The following MYO3B variants were observed in gnomAD, a reference collection of about 807,000 sequenced individuals.
MYO3B encodes myosin-IIIb.
In MYO3B, 156 loss-of-function variants were observed where a neutral mutation model predicts 174.6. The observed-to-expected ratio is 0.89, with a 90% confidence interval of 0.78 to 1.02. MYO3B has a LOEUF of 1.02. Ranked by LOEUF, MYO3B falls within the 50% of genes least tolerant of loss-of-function variation. The pLI is 0.00. For missense variants in MYO3B, 1,632 were observed against 1,639.4 expected (o/e 1.00, Z 0.08); for synonymous variants, 563 against 569.1 (o/e 0.99, Z 0.15).
intron 30 of MYO3B, 51 bp downstream of exon 30, chr2:170,519,591 CTAATGGATAATGAAATGG>C (rs1247467537): frequency 7.4e-7 from 1 of 1,345,114 alleles, no homozygotes; most frequent in African/African-American, 1.4e-5. Context: ...GTGCTCCATT[CTAATGGATAATGAAATGG>C]TAATGGATAA....
chr2:170,205,945 G>T (rs2092709808), intron 3 of MYO3B, among the ~76,000 whole-genome samples: 1 of 151,910 alleles, frequency 6.6e-6, no homozygotes, highest in African/African-American at 2.4e-5. Context: ...GTAGTATATG[G>T]ATATATATTA....
At chr2:170,292,101 A>C (rs1220968505) in intron 7 of MYO3B, among the ~76,000 whole-genome samples, 1 of 152,036 alleles carries the variant, frequency 6.6e-6, no homozygotes, top group Non-Finnish European at 1.5e-5. Flanking sequence ...TGCATCTTGT[A>C]GTTGGTTTTC....
intron 7 of MYO3B, among the ~76,000 whole-genome samples, chr2:170,329,163 A>ATAC (rs1553466656): frequency 1.1e-4 from 16 of 151,810 alleles, no homozygotes; most frequent in African/African-American, 3.9e-4. Flanking sequence ...AAAAAAAAAA[A>ATAC]TACTACTACT....
chr2:170,382,298 T>G (rs928168811), intron 10 of MYO3B, 186 bp downstream of exon 10: 3 of 481,702 alleles, frequency 6.2e-6, no homozygotes, highest in Admixed American at 3.1e-5. Flanking sequence ...TTTATTTAGA[T>G]AGCCCCTAGA....
In MYO3B at chr2:170,230,365, T is replaced by TTTTTGGA. The variant is rs1559318980; in HGVS notation, c.604-5626_604-5625insTTTTGGA. Among the ~76,000 whole-genome samples, 38 of 140,854 alleles carry TTTTTGGA rather than the reference T, an allele frequency of 2.7e-4. 4 individuals are homozygous for TTTTTGGA. The highest frequency in any genetic ancestry group is 1.1e-3 in the African/African-American group (38 of 34,614). 92.4% of individuals were successfully genotyped at this position (140,854 alleles called of 152,430 possible). ...TTTTTTTTTTTTTTTTTTTTTTTAG[T>TTTTTGGA]AGAGACGGGGTTTCACCATGTTGGT... On this transcript the variant is annotated intron_variant, in intron 6 of 34. Transcript: ENST00000408978.
At chr2:170,240,571 G>T (rs1173470744) in intron 7 of MYO3B, among the ~76,000 whole-genome samples, 1 of 152,168 alleles carries the variant, frequency 6.6e-6, no homozygotes, top group African/African-American at 2.4e-5. Context: ...AAAAGTTAAA[G>T]CCCTTCCTTA....
intron 7 of MYO3B, among the ~76,000 whole-genome samples, chr2:170,245,909 C>A (rs1574648125): frequency 6.6e-6 from 1 of 152,086 alleles, no homozygotes; most frequent in South Asian, 2.1e-4. Flanking sequence ...TGCACATGTA[C>A]CCTAGAACTT....
chr2:170,560,652 G>A (rs950252730), intron 32 of MYO3B, among the ~76,000 whole-genome samples: 1 of 152,198 alleles, frequency 6.6e-6, no homozygotes, highest in African/African-American at 2.4e-5. Context: ...AAAGATCTTA[G>A]GGGATGAGTT....
intron 22 of MYO3B, among the ~76,000 whole-genome samples, chr2:170,420,054 A>G (rs1232359602): frequency 6.6e-6 from 1 of 152,018 alleles, no homozygotes; most frequent in Non-Finnish European, 1.5e-5. Flanking sequence ...GTGGTGATGC[A>G]TGCCTGTAGT....
chr2:170,641,642 C>CTATCTCTGGAAGACAGA (rs1559192037), intron 32 of MYO3B, among the ~76,000 whole-genome samples: 1 of 152,030 alleles, frequency 6.6e-6, no homozygotes, highest in African/African-American at 2.4e-5. Context: ...ACCATTTAAG[C>CTATCTCTGGAAGACAGA]TATCTCTGGA....
chr2:170,445,620 G>A (rs1292408917), intron 23 of MYO3B, among the ~76,000 whole-genome samples: 7 of 150,666 alleles, frequency 4.6e-5, no homozygotes, highest in Admixed American at 2.6e-4. Flanking sequence ...GATTACAGGC[G>A]CTCGCCACCA....
At chr2:170,528,650 C>G (rs1240027149) in intron 30 of MYO3B, among the ~76,000 whole-genome samples, 1 of 152,200 alleles carries the variant, frequency 6.6e-6, no homozygotes, top group African/African-American at 2.4e-5. Flanking sequence ...AAGTGATCCA[C>G]CTGCCTCAGC....
At chr2:170,411,476 A>G (rs1043156132) in intron 22 of MYO3B, among the ~76,000 whole-genome samples, 3 of 152,230 alleles carry the variant, frequency 2.0e-5, no homozygotes, top group Non-Finnish European at 2.9e-5. Context: ...GTATCTAAAC[A>G]TATCTAAACA....
At chr2:170,340,808 G>A (rs919210781) in intron 8 of MYO3B, 1 of 152,100 alleles carries the variant, frequency 6.6e-6, no homozygotes, top group Non-Finnish European at 1.5e-5. Flanking sequence ...AAGGTCAGAG[G>A]GACCTTTCTG....
intron 7 of MYO3B, among the ~76,000 whole-genome samples, chr2:170,269,285 T>C (rs2093407560): frequency 6.6e-6 from 1 of 152,080 alleles, no homozygotes; most frequent in East Asian, 1.9e-4. Context: ...TTGGAGTGAG[T>C]GTATTGGTCA....
At chr2:170,468,000 A>AT (rs1684753740) in intron 25 of MYO3B, among the ~76,000 whole-genome samples, 1 of 152,184 alleles carries the variant, frequency 6.6e-6, no homozygotes, top group African/African-American at 2.4e-5. Context: ...GTTTGAATAC[A>AT]TAAAAATATT....
rs73975630 is a variant in MYO3B at position 170,378,628 on chromosome 2, G to A, written c.972-3388G>A. The stretch of plus-strand genomic sequence containing the variant: ...TATATCTGTGAGACAGATTGGCATA[G>A]CACACAATCTCCTTCAGGCTCAGAA... On this transcript the variant is annotated intron_variant, in intron 9 of 34. Transcript: ENST00000408978. Among the ~76,000 whole-genome samples the A allele has an allele frequency of 2.3e-3, 356 of 152,306 alleles. 1 individual carries two copies. The highest frequency in any genetic ancestry group is 8.0e-3 in the African/African-American group (331 of 41,574).
At chr2:170,570,298 A>C (rs927066156) in intron 32 of MYO3B, among the ~76,000 whole-genome samples, 25 of 152,218 alleles carry the variant, frequency 1.6e-4, no homozygotes, top group Non-Finnish European at 2.9e-4. Flanking sequence ...TTGAATGTAA[A>C]ACATTAGTTT....
chr2:170,204,528 A>G (rs978118520), intron 3 of MYO3B, among the ~76,000 whole-genome samples: 1 of 152,186 alleles, frequency 6.6e-6, no homozygotes, highest in African/African-American at 2.4e-5. Flanking sequence ...TGAAATGATG[A>G]CTGTCTTAGC....
Sources: allele counts gnomAD v4.1 joint callset (sites outside exome capture counted in the v4.1 genomes callset), GRCh38; gene constraint gnomAD v4.1.1; transcripts MANE v1.5; gene names NCBI Gene and HGNC (gene_info 2026-07-23, HGNC 2026-07-21).